PGCKA1: variants seen among roughly 807,000 people sequenced by gnomAD.
The protein encoded by PGCKA1 is PDCD10 and GCKIII kinases-associated protein 1.
chr4:37,540,492 G>A, the PGCKA1 span, among the ~76,000 whole-genome samples: 2 of 152,010 alleles, frequency 1.3e-5, no homozygotes, highest in Non-Finnish European at 2.9e-5. Flanking sequence ...TTTTTTCTGT[G>A]GAGATTCTAG....
At chr4:37,507,572 A>G in the PGCKA1 span, among the ~76,000 whole-genome samples, 240 of 152,086 alleles carry the variant, frequency 1.6e-3, 1 homozygote, top group African/African-American at 5.4e-3. Flanking sequence ...CTATATTTTA[A>G]CTTTGTTCCC....
the PGCKA1 span, among the ~76,000 whole-genome samples, chr4:37,474,063 G>T: frequency 2.6e-5 from 4 of 152,088 alleles, no homozygotes; most frequent in East Asian, 5.8e-4. Flanking sequence ...GCTATGGTTT[G>T]AATGTGTCCC....
chr4:37,554,201 A>T, the PGCKA1 span, among the ~76,000 whole-genome samples: 6 of 152,228 alleles, frequency 3.9e-5, no homozygotes, highest in Admixed American at 6.5e-5. Flanking sequence ...CTGCTTCACC[A>T]TCCGCCATGA....
chr4:37,475,066 T>C, the PGCKA1 span, among the ~76,000 whole-genome samples: 1 of 152,226 alleles, frequency 6.6e-6, no homozygotes, highest in Non-Finnish European at 1.5e-5. Flanking sequence ...TCAGCTCTGC[T>C]AACTTTCTTG....
the PGCKA1 span, among the ~76,000 whole-genome samples, chr4:37,455,251 T>C: frequency 9.2e-5 from 14 of 152,202 alleles, no homozygotes; most frequent in African/African-American, 2.7e-4. Flanking sequence ...ATAAGACAGA[T>C]GTTAAAGATC....
the PGCKA1 span, chr4:37,591,027 G>T: frequency 6.4e-7 from 1 of 1,568,160 alleles, no homozygotes; most frequent in Non-Finnish European, 8.7e-7. Context: ...AGGGAGGTAA[G>T]CTGGTGTCAT....
the PGCKA1 span, among the ~76,000 whole-genome samples, chr4:37,463,921 A>G: frequency 6.6e-6 from 1 of 152,182 alleles, no homozygotes; most frequent in Non-Finnish European, 1.5e-5. Context: ...AAACAAGCTA[A>G]CAAATACAAA....
the PGCKA1 span, among the ~76,000 whole-genome samples, chr4:37,554,598 T>C: frequency 5.3e-5 from 8 of 152,322 alleles, no homozygotes; most frequent in South Asian, 8.3e-4. Flanking sequence ...TCCACCTGCC[T>C]CAGCCTCCCA....
At chr4:37,556,219 A>G in the PGCKA1 span, among the ~76,000 whole-genome samples, 1 of 151,988 alleles carries the variant, frequency 6.6e-6, no homozygotes, top group Non-Finnish European at 1.5e-5. Flanking sequence ...ACACCTGGTC[A>G]CTATTAGTTT....
chr4:37,479,919 G>A, the PGCKA1 span, among the ~76,000 whole-genome samples: 1 of 152,208 alleles, frequency 6.6e-6, no homozygotes, highest in Non-Finnish European at 1.5e-5. Flanking sequence ...AGGTTTTGCA[G>A]TAGACTAAGC....
At chr4:37,462,141 C>CT in the PGCKA1 span, among the ~76,000 whole-genome samples, 3 of 150,606 alleles carry the variant, frequency 2.0e-5, no homozygotes, top group Admixed American at 1.3e-4. Context: ...CATTTAAATT[C>CT]CAAATCTGTA....
At chr4:37,550,291 CT>C in the PGCKA1 span, among the ~76,000 whole-genome samples, 1 of 151,952 alleles carries the variant, frequency 6.6e-6, no homozygotes, top group Non-Finnish European at 1.5e-5. Context: ...AAATTTGATG[CT>C]TGTGCTTCTA....
the PGCKA1 span, among the ~76,000 whole-genome samples, chr4:37,492,673 A>G: frequency 2.0e-5 from 3 of 152,180 alleles, no homozygotes; most frequent in Non-Finnish European, 4.4e-5. This position sits in a 1 kb window ranked among gnomAD's most constrained non-coding sequence, Gnocchi z 4.7. Context: ...CTCCCAATTC[A>G]GAAACCTTCT....
chr4:37,571,355 C>CATTTTTTTTTTTTTTTTTTT, the PGCKA1 span, among the ~76,000 whole-genome samples: 2 of 78,036 alleles, frequency 2.6e-5, no homozygotes. Context: ...GACTATTATC[C>CATTTTTTTTTTTTTTTTTTT]TTTTTTTTTT....
the PGCKA1 span, among the ~76,000 whole-genome samples, chr4:37,587,630 G>A: frequency 6.6e-6 from 1 of 152,304 alleles, no homozygotes; most frequent in Admixed American, 6.5e-5. Flanking sequence ...GTGCTTCATG[G>A]AGACAGGGAG....
chr4:37,570,642 CT>C, the PGCKA1 span, among the ~76,000 whole-genome samples: 1 of 152,166 alleles, frequency 6.6e-6, no homozygotes, highest in Admixed American at 6.5e-5. Flanking sequence ...TCTACTTCGC[CT>C]TCTGGCCAGG....
chr4:37,522,698 T>C, the PGCKA1 span, among the ~76,000 whole-genome samples: 69 of 152,174 alleles, frequency 4.5e-4, no homozygotes, highest in Admixed American at 7.9e-4. Flanking sequence ...AGGTGATGAA[T>C]GCTGCCAAGA....
At chr4:37,463,554 G>T in the PGCKA1 span, among the ~76,000 whole-genome samples, 3 of 152,150 alleles carry the variant, frequency 2.0e-5, no homozygotes, top group African/African-American at 7.2e-5. Context: ...TGATCCCCCT[G>T]CTGTAAAATG....
chr4:37,485,043 A>T, the PGCKA1 span, among the ~76,000 whole-genome samples: 1 of 152,202 alleles, frequency 6.6e-6, no homozygotes, highest in Non-Finnish European at 1.5e-5. Flanking sequence ...ATGCTATTTT[A>T]TATTCTGTAT....
Sources: allele counts gnomAD v4.1 joint callset (sites outside exome capture counted in the v4.1 genomes callset), GRCh38; gene constraint gnomAD v4.1.1; non-coding constraint Gnocchi (gnomAD v3.1); transcripts MANE v1.5; gene names NCBI Gene and HGNC (gene_info 2026-07-23, HGNC 2026-07-21).